Variants in ELP1 observed in about 807,000 individuals in gnomAD.
The protein encoded by ELP1 is elongator complex protein 1.
Under a neutral mutation model 183.2 loss-of-function variants are expected in ELP1, and 131 were observed. That is an observed-to-expected ratio of 0.72 (90% CI 0.62 to 0.83). The LOEUF (loss-of-function observed/expected upper bound fraction) is 0.83, where lower values mean the gene tolerates loss of function less well. Among genes scored for constraint, ELP1 ranks in the 40% least tolerant of loss-of-function variants. The pLI, the probability that ELP1 is intolerant of heterozygous loss-of-function variation, is 0.00. For synonymous variants in ELP1, 555 were observed against 569.0 expected (o/e 0.98, Z 0.35); for missense variants, 1,550 against 1,594.9 (o/e 0.97, Z 0.48).
At position 108,912,441 on chromosome 9, in the gene ELP1, A is replaced by C; in HGVS notation, c.1012T>G (p.Phe338Val). The change falls in exon 11 of 37, where the codon TTC (phenylalanine) becomes GTC (valine). Residue 338 changes from phenylalanine to valine, a missense_variant. By Grantham distance (50) the Phe-to-Val change is conservative. Transcript: ENST00000374647. ...YHWYLKQSLS[F>V]STCGKSKIVS... ...ATCTTGCTCTTCCCACAGGTGCTGA[A>C]GGATAAACTTTGCTTGAGATACCAG... 6.2e-7 allele frequency: 1 copy of C among 1,614,146 alleles called. No individual in the cohort carries two copies. Among genetic ancestry groups the C allele is most frequent in the Non-Finnish European group, 8.5e-7 (1 of 1,180,024 alleles).
rs377501309 is a variant in ELP1, at chr9:108,926,502, A to G, written c.466+21T>C. The stretch of plus-strand genomic sequence containing the variant: ...TGGGAAGAAACGTAGGTCACAAAAT[A>G]TTGCACAAAGCTATACTTACTTTCA... On this transcript the variant is annotated intron_variant, in intron 5 of 36. Transcript: ENST00000374647. The G allele has an allele frequency of 2.1e-4, 333 of 1,589,290 alleles. 3 individuals carry two copies. In the South Asian group the frequency reaches 3.5e-3, roughly 17 times the overall value.
intron 29 of ELP1, among the ~76,000 whole-genome samples, chr9:108,886,223 A>T (rs1828115986): frequency 6.6e-6 from 1 of 152,216 alleles, no homozygotes. Flanking sequence ...GGTCTGAAAC[A>T]TCACACATAG....
intron 31 of ELP1, among the ~76,000 whole-genome samples, chr9:108,880,954 T>C (rs1340077151): frequency 6.6e-6 from 1 of 152,198 alleles, no homozygotes; most frequent in Admixed American, 6.5e-5. Context: ...AGGGTAGATG[T>C]GCATAAAAAT....
At chr9:108,924,146 G>C (rs745425462) in intron 5 of ELP1, among the ~76,000 whole-genome samples, 1 of 152,196 alleles carries the variant, frequency 6.6e-6, no homozygotes, top group Non-Finnish European at 1.5e-5. Context: ...GACAAGAAAT[G>C]ATGCGGTTAC....
intron 29 of ELP1, among the ~76,000 whole-genome samples, chr9:108,884,151 T>C (rs1173023802): frequency 1.3e-5 from 2 of 152,102 alleles, no homozygotes; most frequent in Admixed American, 1.3e-4. Context: ...ATTAATAACA[T>C]TAAAGTCAAA....
At chr9:108,916,662 T>C (rs572381300) in intron 9 of ELP1, among the ~76,000 whole-genome samples, 30 of 152,304 alleles carry the variant, frequency 2.0e-4, no homozygotes, top group African/African-American at 7.2e-4. Context: ...CCTTAACTGT[T>C]ATAAATAAAT....
At chr9:108,891,491 T>A in intron 27 of ELP1, 87 bp from the exon 28 acceptor site, 1 of 1,211,576 alleles carries the variant, frequency 8.3e-7, no homozygotes, top group Non-Finnish European at 1.2e-6. Context: ...GTTCCTATAC[T>A]TGGAACTCCC....
intron 16 of ELP1, 70 bp downstream of exon 16, chr9:108,902,769 T>C: frequency 8.6e-7 from 1 of 1,162,868 alleles, no homozygotes; most frequent in Admixed American, 1.7e-5. Flanking sequence ...AAGCCCACGC[T>C]CTTTCTACTT....
At chr9:108,917,720 G>T in intron 8 of ELP1, 50 bp from the exon 9 acceptor site, 1 of 1,601,026 alleles carries the variant, frequency 6.2e-7, no homozygotes. Context: ...CCTAACTAAA[G>T]AATAGATAAA....
intron 5 of ELP1, among the ~76,000 whole-genome samples, chr9:108,926,136 G>C (rs1300537517): frequency 1.3e-5 from 2 of 152,190 alleles, no homozygotes; most frequent in Non-Finnish European, 2.9e-5. Flanking sequence ...AAAATAATCT[G>C]ATTGTTCCCA....
chr9:108,868,104 G>A lies in ELP1; in HGVS notation c.*1011C>T, dbSNP rs1827303768. 1 of 152,166 alleles carries A rather than the reference G, an allele frequency of 6.6e-6. No individual in the cohort carries two copies. The highest frequency in any genetic ancestry group is 1.5e-5 in the Non-Finnish European group (1 of 68,034). 9.4% of individuals were successfully genotyped at this position (152,166 alleles called of 1,614,324 possible). On this transcript the variant is annotated 3_prime_UTR_variant, in exon 37 of 37. Coordinates refer to ENST00000374647, the MANE Select transcript of ELP1 (RefSeq NM_003640.5). ...GAGTTTTCACTCTATTAGTTCCTTT[G>A]AAAGCTGGTTGTTGTTATAGAGACA...
intron 5 of ELP1, 75 bp from the exon 6 acceptor site, chr9:108,923,002 G>A: frequency 9.1e-7 from 1 of 1,096,888 alleles, no homozygotes; most frequent in East Asian, 2.3e-5. Context: ...TATTCTTCAT[G>A]AAGTTAGTCA....
intron 3 of ELP1, 26 bp from the exon 4 acceptor site, chr9:108,927,479 A>T (rs774533141): frequency 8.3e-6 from 13 of 1,563,324 alleles, no homozygotes; most frequent in Admixed American, 1.7e-5. Flanking sequence ...TTGAAAAGAG[A>T]GATTCAAACA....
chr9:108,893,912 T>G, intron 26 of ELP1, 31 bp downstream of exon 26: 1 of 1,612,468 alleles, frequency 6.2e-7, no homozygotes, highest in Non-Finnish European at 8.5e-7. Context: ...AGATCTGAAG[T>G]AGAGATAAAC....
intron 35 of ELP1, 142 bp from the exon 36 acceptor site, chr9:108,875,112 A>C (rs997733412): frequency 3.7e-5 from 24 of 652,798 alleles, no homozygotes; most frequent in Non-Finnish European, 6.4e-5. Flanking sequence ...CTCTTTCCCA[A>C]TGTGATTTTA....
At chr9:108,869,266 T>C in intron 36 of ELP1, 84 bp from the exon 37 acceptor site, 1 of 1,137,382 alleles carries the variant, frequency 8.8e-7, no homozygotes, top group Admixed American at 1.7e-5. Flanking sequence ...CTAAACAAAC[T>C]AGGCAGGTGG....
intron 14 of ELP1, among the ~76,000 whole-genome samples, chr9:108,905,900 T>C (rs2780331): frequency 0.1 from 13,286 of 129,172 alleles, 664 homozygotes; most frequent in East Asian, 0.18. Flanking sequence ...CACACACACA[T>C]ATATGCGCAT....
intron 16 of ELP1, among the ~76,000 whole-genome samples, chr9:108,901,899 A>C (rs1828823673): frequency 6.6e-6 from 1 of 152,012 alleles, no homozygotes; most frequent in Non-Finnish European, 1.5e-5. Flanking sequence ...TCCTACACAT[A>C]TCTCAAACCC....
chr9:108,920,740 A>G (rs1587918398), intron 6 of ELP1, among the ~76,000 whole-genome samples: 1 of 152,146 alleles, frequency 6.6e-6, no homozygotes, highest in African/African-American at 2.4e-5. Context: ...TCTTTTCTGA[A>G]GGGTAGCTGT....
Sources: gnomAD v4.1 joint callset for allele counts (sites outside exome capture counted in the v4.1 genomes callset) on GRCh38, gnomAD v4.1.1 for gene constraint, MANE v1.5 for transcripts, NCBI Gene and HGNC (gene_info 2026-07-23, HGNC 2026-07-21) for gene names.